CTBS: variants seen among roughly 807,000 people sequenced by gnomAD.
CTBS encodes di-N-acetylchitobiase.
A neutral mutation model predicts 44.3 loss-of-function variants in CTBS; 35 were observed. The ratio of observed to expected loss-of-function variants is 0.79; its 90% CI spans 0.60 to 1.05. The LOEUF (loss-of-function observed/expected upper bound fraction) is 1.05, where lower values mean the gene tolerates loss of function less well. Ranked by LOEUF, CTBS falls within the 50% of genes least tolerant of loss-of-function variation. The pLI is 0.00. For missense variants in CTBS, 458 were observed against 475.3 expected (o/e 0.96, Z 0.34); for synonymous variants, 143 against 168.0 (o/e 0.85, Z 1.15).
rs1416507136 is a variant in CTBS at position 84,552,144 on chromosome 1, T to G, written c.*2855A>C. 1 of 152,136 alleles carries G rather than the reference T, an allele frequency of 6.6e-6. No homozygotes were observed. The highest frequency in any genetic ancestry group is 1.5e-5 in the Non-Finnish European group (1 of 68,010). 9.4% of individuals were successfully genotyped at this position (152,136 alleles called of 1,614,324 possible). The stretch of plus-strand genomic sequence containing the variant: ...TTAAGAAGTTTTATTGATTTCTGAA[T>G]GATCTCCCCAAAACAGCACTACCTA... On this transcript the variant is annotated 3_prime_UTR_variant, in exon 7 of 7. Coordinates refer to ENST00000370630, the MANE Select transcript of CTBS (RefSeq NM_004388.3).
At chr1:84,558,773 C>T (rs7530632) in intron 6 of CTBS, among the ~76,000 whole-genome samples, 11,610 of 151,868 alleles carry the variant, frequency 0.076, 789 homozygotes, top group African/African-American at 0.18. Flanking sequence ...TGATGGCACA[C>T]GCCTATGGTC....
At chr1:84,572,514 A>G (rs564853406) in intron 1 of CTBS, among the ~76,000 whole-genome samples, 1 of 151,962 alleles carries the variant, frequency 6.6e-6, no homozygotes, top group East Asian at 1.9e-4. Flanking sequence ...TGTGTTTGAA[A>G]AACATAGAAA....
intron 6 of CTBS, among the ~76,000 whole-genome samples, chr1:84,558,439 G>A (rs1684518314): frequency 6.6e-6 from 1 of 151,124 alleles, no homozygotes; most frequent in Non-Finnish European, 1.5e-5. Flanking sequence ...ACAGGCGCCC[G>A]CCACTACGCC....
Position 84,555,108 on chromosome 1 carries a change from C to A in CTBS, c.1049G>T (p.Gly350Val). 5 of 1,613,856 alleles carry A rather than the reference C, an allele frequency of 3.1e-6. No individual in the cohort carries two copies. Among genetic ancestry groups the A allele is most frequent in the Non-Finnish European group, 4.2e-6 (5 of 1,179,860 alleles). ...ACAGTTTGCATTCCACATGCCAATGCCCCGTAAGCGATAGTTTTGTATATA... is the reference window on the plus strand; with the variant it reads ...ACAGTTTGCATTCCACATGCCAATGACCCGTAAGCGATAGTTTTGTATATA... The part of the protein sequence containing the change: ...ATYIQNYRLR[G>V]IGMWNANCLD... The change falls in exon 7 of 7, where the codon GGC becomes GTC. Residue 350 changes from glycine (G) to valine (V), a missense_variant. Gly to Val is a moderately radical substitution (Grantham distance 109). Transcript: ENST00000370630.
rs932101537 is a variant in CTBS at position 84,553,047 on chromosome 1, G to A, written c.*1952C>T. On this transcript the variant is annotated 3_prime_UTR_variant, in exon 7 of 7. Coordinates refer to ENST00000370630, the MANE Select transcript of CTBS (RefSeq NM_004388.3). Reference sequence around the variant, plus strand: ...ATTCTTTTTATAGATGAGAAAACAAGCAGTTTCAGATTTACGAACATTGAA... The same window carrying A: ...ATTCTTTTTATAGATGAGAAAACAAACAGTTTCAGATTTACGAACATTGAA... The A allele has an allele frequency of 6.6e-7, 1 of 1,522,426 alleles. No individual in the cohort carries two copies. Among genetic ancestry groups the A allele is most frequent in the African/African-American group, 1.4e-5 (1 of 71,046 alleles). The allele number at this position is 1,522,426 out of a possible 1,614,324, so 94.3% of individuals were successfully genotyped here. A position where few individuals can be genotyped will look rare whatever the true frequency, so the allele number is the denominator to read the frequency against.
In CTBS at chr1:84,570,676, A is replaced by G. The variant is rs1460485962; in HGVS notation, c.222T>C (p.Asp74=). 2.5e-6 allele frequency: 4 copies of G among 1,614,008 alleles called. No homozygotes were observed. Among genetic ancestry groups the G allele is most frequent in the South Asian group, 2.2e-5 (2 of 91,080 alleles). The change falls in exon 2 of 7, where the codon GAT becomes GAC. Residue 74 remains aspartate, a synonymous_variant. Coordinates refer to ENST00000370630, the MANE Select transcript of CTBS (RefSeq NM_004388.3). ...DVGQKTWKSY[D]WSQITTVATF... ...TTGCCACAGTTGTAATCTGTGACCA[A>G]TCATAAGATTTCCAAGTTTTCTGTC...
chr1:84,570,724 C>T lies in CTBS; in HGVS notation c.178-4G>A. 1 of 1,611,086 alleles carries T rather than the reference C, an allele frequency of 6.2e-7. No homozygotes were observed. The highest frequency in any genetic ancestry group is 1.1e-5 in the South Asian group (1 of 90,670). ...GTCCAACATCAAACACAAAGACCTGCCAGAACAAAGATGAGCACCATCATT... is the reference window on the plus strand; with the variant it reads ...GTCCAACATCAAACACAAAGACCTGTCAGAACAAAGATGAGCACCATCATT... On this transcript the variant is annotated splice_polypyrimidine_tract_variant and splice_region_variant and intron_variant, in intron 1 of 6. Coordinates refer to ENST00000370630, the MANE Select transcript of CTBS (RefSeq NM_004388.3).
At chr1:84,572,824 GCC>G (rs1358974214) in intron 1 of CTBS, among the ~76,000 whole-genome samples, 2 of 151,960 alleles carry the variant, frequency 1.3e-5, no homozygotes, top group African/African-American at 4.8e-5. Flanking sequence ...GATTACATGT[GCC>G]CGCCACCACG....
intron 2 of CTBS, 92 bp downstream of exon 2, chr1:84,570,490 C>A (rs563545264): frequency 1.8e-6 from 2 of 1,090,478 alleles, no homozygotes; most frequent in South Asian, 3.2e-5. Context: ...AACAGATAAA[C>A]ATAAAAGGAC....
intron 6 of CTBS, among the ~76,000 whole-genome samples, chr1:84,562,084 G>A (rs1439021141): frequency 6.6e-6 from 1 of 152,174 alleles, no homozygotes; most frequent in African/African-American, 2.4e-5. Context: ...TAAGAATGCT[G>A]TGAAACAAGA....
intron 6 of CTBS, among the ~76,000 whole-genome samples, chr1:84,559,203 C>A (rs1395516183): frequency 6.6e-6 from 1 of 152,148 alleles, no homozygotes; most frequent in Non-Finnish European, 1.5e-5. Flanking sequence ...TTTGGCAATT[C>A]TTAAAATATT....
At chr1:84,573,966 A>C in intron 1 of CTBS, 7 of 1,335,286 alleles carry the variant, frequency 5.2e-6, no homozygotes, top group Non-Finnish European at 4.8e-6. Context: ...CAGCAGGGGA[A>C]TGAAAGGAGC....
Position 84,574,381 on chromosome 1 carries a change from A to G in CTBS, c.35T>C (p.Val12Ala). 6.4e-7 allele frequency: 1 copy of G among 1,563,318 alleles called. No individual in the cohort carries two copies. The change falls in exon 1 of 7, where the codon GTC becomes GCC. Residue 12 changes from valine to alanine, a missense_variant. Physicochemically the swap from Val to Ala is moderately conservative, Grantham distance 64. Transcript: ENST00000370630. ...CGGGACGCCGCTCGGCGGGCTAGAG[A>G]CGAGGCGCCAGCGTCGAAGCTGCGG... The part of the protein sequence containing the change: ...SRPQLRRWRL[V>A]SSPPSGVPGL...
At chr1:84,574,036 T>C (rs1570479623) in intron 1 of CTBS, 3 of 1,421,816 alleles carry the variant, frequency 2.1e-6, no homozygotes. Context: ...ACTTACAGGC[T>C]GTGAGGCCTG....
chr1:84,573,006 A>G (rs1425005077), intron 1 of CTBS, among the ~76,000 whole-genome samples: 1 of 152,122 alleles, frequency 6.6e-6, no homozygotes, highest in Non-Finnish European at 1.5e-5. Context: ...TTTTACAGCT[A>G]CTGTCCCCAC....
intron 1 of CTBS, chr1:84,573,969 A>C: frequency 7.4e-7 from 1 of 1,350,752 alleles, no homozygotes; most frequent in South Asian, 1.9e-5. Flanking sequence ...CAGGGGAATG[A>C]AAGGAGCTTG....
At position 84,550,679 on chromosome 1, in the gene CTBS, AAAAAAAAATGCAGGAAGAAAAACT is replaced by A; in HGVS notation, c.*4296_*4319del. On this transcript the variant is annotated 3_prime_UTR_variant, in exon 7 of 7. Transcript: ENST00000370630. ...CCTTAACAGTAAAGAGCATAGGTGA[AAAAAAAAATGCAGGAAGAAAAACT>A]AAACCTGTGAAAAGATACATGATAT... 1.7e-6 allele frequency: 2 copies of A among 1,193,064 alleles called. No individual in the cohort carries two copies. Among genetic ancestry groups the A allele is most frequent in the Non-Finnish European group, 2.1e-6 (2 of 953,536 alleles). The allele number at this position is 1,193,064 out of a possible 1,614,324, so 73.9% of individuals were successfully genotyped here.
intron 4 of CTBS, among the ~76,000 whole-genome samples, chr1:84,565,377 T>C (rs1301611467): frequency 1.3e-5 from 2 of 152,158 alleles, no homozygotes; most frequent in Non-Finnish European, 2.9e-5. Context: ...TCACAGATAC[T>C]AAAAGAAGTT....
rs1179521999 is a variant in CTBS, at chr1:84,557,554, G to GAA, written c.958-2357_958-2356dup. Among the ~76,000 whole-genome samples the GAA allele has an allele frequency of 1.9e-3, 135 of 70,120 alleles. 1 individual carries two copies. The highest frequency in any genetic ancestry group is 0.012 in the African/African-American group (124 of 10,594). 46.0% of individuals were successfully genotyped at this position (70,120 alleles called of 152,430 possible). ...ATCTCAAAAAAAAAAAAAAAAAAAAGAAAAAAAAAAAAAGAAGGAGGCTGG... is the reference window on the plus strand; with the variant it reads ...ATCTCAAAAAAAAAAAAAAAAAAAAGAAAAAAAAAAAAAAAGAAGGAGGCTGG... On this transcript the variant is annotated intron_variant, in intron 6 of 6. Transcript: ENST00000370630.
Sources: gnomAD v4.1 joint callset for allele counts (sites outside exome capture counted in the v4.1 genomes callset) on GRCh38, gnomAD v4.1.1 for gene constraint, MANE v1.5 for transcripts, NCBI Gene and HGNC (gene_info 2026-07-23, HGNC 2026-07-21) for gene names.